Variants in LRRC8D observed in about 807,000 individuals in gnomAD.
LRRC8D encodes volume-regulated anion channel subunit LRRC8D.
LRRC8D carries 20 observed loss-of-function variants against 55.8 expected under a neutral mutation model. That is an observed-to-expected ratio of 0.36 (90% CI 0.25 to 0.52). The LOEUF (loss-of-function observed/expected upper bound fraction) is 0.52, where lower values mean the gene tolerates loss of function less well. Among genes scored for constraint, LRRC8D ranks in the 20% least tolerant of loss-of-function variants. The pLI is 0.93. For missense variants in LRRC8D, 651 were observed against 1,030.8 expected (o/e 0.63, Z 5.05); for synonymous variants, 352 against 377.0 (o/e 0.93, Z 0.77).
chr1:89,933,817 G>A lies in LRRC8D; in HGVS notation c.749G>A (p.Ser250Asn). The A allele has an allele frequency of 1.9e-6, 3 of 1,614,148 alleles. No individual in the cohort carries two copies. Among genetic ancestry groups the A allele is most frequent in the Non-Finnish European group, 2.5e-6 (3 of 1,180,016 alleles). ...TSSDEGSPSA[S>N]TPMINKTGFK... Reference sequence around the variant, plus strand: ...AGTGATGAAGGGAGCCCCAGTGCCAGTACACCAATGATCAATAAAACTGGC... The same window carrying A: ...AGTGATGAAGGGAGCCCCAGTGCCAATACACCAATGATCAATAAAACTGGC... The change falls in exon 3 of 3, where the codon AGT becomes AAT. Residue 250 changes from serine to asparagine, a missense_variant. Physicochemically the swap from Ser to Asn is conservative, Grantham distance 46. Around this residue, in one of 5 missense-constraint regions of LRRC8D, gnomAD observed 178 missense variants for 374.9 expected, o/e 0.47. Transcript: ENST00000337338. This position sits in a 1 kb window ranked among gnomAD's most constrained non-coding sequence, Gnocchi z 7.0.
chr1:89,860,311 A>G (rs1336463033), intron 2 of LRRC8D, among the ~76,000 whole-genome samples: 2 of 152,244 alleles, frequency 1.3e-5, no homozygotes, highest in East Asian at 1.9e-4. Context: ...CTTTTATGCG[A>G]AAAGTTAATT....
chr1:89,874,005 A>T (rs142569532), intron 2 of LRRC8D, among the ~76,000 whole-genome samples: 48 of 152,350 alleles, frequency 3.2e-4, no homozygotes, highest in East Asian at 2.5e-3. Context: ...ATTTATCACT[A>T]TGGAAACCAA....
intron 1 of LRRC8D, among the ~76,000 whole-genome samples, chr1:89,833,381 A>G (rs1251572227): frequency 6.6e-6 from 1 of 152,194 alleles, no homozygotes; most frequent in Non-Finnish European, 1.5e-5. Context: ...TGCTGTGACA[A>G]CCCGCATCCT....
chr1:89,923,606 A>G (rs898531217), intron 2 of LRRC8D, among the ~76,000 whole-genome samples: 2 of 152,254 alleles, frequency 1.3e-5, no homozygotes, highest in African/African-American at 4.8e-5. Context: ...ATGGAACCCA[A>G]AAAAAGCCAA....
chr1:89,897,823 G>GTGCTA (rs1662749948), intron 2 of LRRC8D, among the ~76,000 whole-genome samples: 1 of 152,174 alleles, frequency 6.6e-6, no homozygotes, highest in Non-Finnish European at 1.5e-5. Flanking sequence ...GATTTCTGCA[G>GTGCTA]TGCTATGTTG....
At chr1:89,834,498 A>G (rs1660959860) in intron 1 of LRRC8D, among the ~76,000 whole-genome samples, 1 of 152,262 alleles carries the variant, frequency 6.6e-6, no homozygotes, top group Non-Finnish European at 1.5e-5. Context: ...CAGTGCTAAT[A>G]ACTAGCAGGG....
intron 1 of LRRC8D, among the ~76,000 whole-genome samples, chr1:89,821,613 C>T (rs1660634310): frequency 1.3e-5 from 2 of 152,262 alleles, no homozygotes; most frequent in South Asian, 2.1e-4. Flanking sequence ...CGCGCGCTCC[C>T]TTCTCTCACC....
chr1:89,893,569 G>C (rs946751112), intron 2 of LRRC8D, among the ~76,000 whole-genome samples: 1 of 152,134 alleles, frequency 6.6e-6, no homozygotes, highest in Admixed American at 6.5e-5. Flanking sequence ...TGATAAGAAT[G>C]CTCTTGTTTT....
intron 2 of LRRC8D, among the ~76,000 whole-genome samples, chr1:89,910,325 T>C (rs1410312564): frequency 1.3e-5 from 2 of 152,224 alleles, no homozygotes; most frequent in Admixed American, 6.5e-5. Flanking sequence ...GTTGATATTA[T>C]TTGTTTGTCT....
chr1:89,900,221 A>G (rs1177925206), intron 2 of LRRC8D, among the ~76,000 whole-genome samples: 1 of 152,222 alleles, frequency 6.6e-6, no homozygotes, highest in Non-Finnish European at 1.5e-5. Flanking sequence ...AAAACTGGAT[A>G]CTTTAGGCAG....
At chr1:89,848,126 A>G (rs1661325819) in intron 2 of LRRC8D, among the ~76,000 whole-genome samples, 1 of 152,192 alleles carries the variant, frequency 6.6e-6, no homozygotes, top group African/African-American at 2.4e-5. Flanking sequence ...GGATCTGGTC[A>G]TGTTTCCGGG....
chr1:89,841,590 A>G (rs1180785482), intron 1 of LRRC8D, among the ~76,000 whole-genome samples: 1 of 152,230 alleles, frequency 6.6e-6, no homozygotes, highest in Non-Finnish European at 1.5e-5. Context: ...ACTTTCTTAA[A>G]GAGCCCCAGT....
At chr1:89,870,701 C>T (rs1311850696) in intron 2 of LRRC8D, among the ~76,000 whole-genome samples, 1 of 152,148 alleles carries the variant, frequency 6.6e-6, no homozygotes, top group Non-Finnish European at 1.5e-5. Flanking sequence ...CCTCAGAATT[C>T]AACCTGATAA....
At position 89,934,378 on chromosome 1, in the gene LRRC8D, T is replaced by G; in HGVS notation, c.1310T>G (p.Phe437Cys). 1.9e-6 allele frequency: 3 copies of G among 1,613,806 alleles called. No individual in the cohort carries two copies. The highest frequency in any genetic ancestry group is 2.5e-6 in the Non-Finnish European group (3 of 1,180,042). The change falls in exon 3 of 3, where the codon TTC (phenylalanine) becomes TGC (cysteine). Residue 437 changes from phenylalanine to cysteine, a missense_variant. Coordinates refer to ENST00000337338, the MANE Select transcript of LRRC8D (RefSeq NM_001134479.2). The surrounding 1 kb of genome is among the most constrained non-coding windows in gnomAD (Gnocchi z 5.9). ...DQLYSKRFGV[F>C]LSEVSENKLR... The stretch of plus-strand genomic sequence containing the variant: ...CTATATTCCAAGCGTTTTGGTGTGT[T>G]CTTGTCAGAAGTTAGTGAAAATAAA...
intron 2 of LRRC8D, among the ~76,000 whole-genome samples, chr1:89,868,359 C>T (rs1557459169): frequency 2.0e-5 from 3 of 152,066 alleles, no homozygotes; most frequent in Non-Finnish European, 4.4e-5. Flanking sequence ...CTGCGCAAAC[C>T]GTCCCTGGGT....
intron 2 of LRRC8D, among the ~76,000 whole-genome samples, chr1:89,847,874 T>C (rs1172622457): frequency 6.6e-6 from 1 of 152,230 alleles, no homozygotes; most frequent in Non-Finnish European, 1.5e-5. Context: ...CATCTTCCTG[T>C]ATTTGTAAAA....
chr1:89,856,235 T>C (rs925755650), intron 2 of LRRC8D, among the ~76,000 whole-genome samples: 3 of 152,174 alleles, frequency 2.0e-5, no homozygotes, highest in African/African-American at 7.2e-5. Flanking sequence ...GCTAGATCAG[T>C]AAATAATTGC....
rs557660756 is a variant in LRRC8D, at chr1:89,831,087, GGA to G, written c.-148+9802_-148+9803del. On this transcript the variant is annotated intron_variant, in intron 1 of 2. Transcript: ENST00000337338. ...CACCCAGCTAATCTTTGTATTTTTA[GGA>G]GAGAGGGGGTTTCGCCATGTTGGCC... Among the ~76,000 whole-genome samples, 479 of 151,986 alleles carry G rather than the reference GGA, an allele frequency of 3.2e-3. 1 individual carries two copies. Among genetic ancestry groups the G allele is most frequent in the African/African-American group, 0.011 (458 of 41,460 alleles).
chr1:89,845,019 C>A (rs1258505215), intron 2 of LRRC8D, among the ~76,000 whole-genome samples: 2 of 152,178 alleles, frequency 1.3e-5, no homozygotes, highest in African/African-American at 4.8e-5. Flanking sequence ...CCCTGTAGCA[C>A]AGAGGAAAAG....
Sources: gnomAD v4.1 joint callset for allele counts (sites outside exome capture counted in the v4.1 genomes callset) on GRCh38, gnomAD v4.1.1 for gene constraint, gnomAD v4.1.1 regional missense constraint, Gnocchi (gnomAD v3.1) non-coding constraint, MANE v1.5 for transcripts, NCBI Gene and HGNC (gene_info 2026-07-23, HGNC 2026-07-21) for gene names.